The following ZZEF1 variants were observed in gnomAD, a reference collection of about 807,000 sequenced individuals.
ZZEF1 encodes zinc finger ZZ-type and EF-hand domain containing 1, also known as zinc finger ZZ-type and EF-hand domain-containing protein 1.
ZZEF1 carries 157 observed loss-of-function variants against 342.8 expected under a neutral mutation model. That is an observed-to-expected ratio of 0.46 (90% CI 0.40 to 0.52). ZZEF1 has a LOEUF of 0.52. Ranked by LOEUF, ZZEF1 falls within the 20% of genes least tolerant of loss-of-function variation. The pLI, the probability that ZZEF1 is intolerant of heterozygous loss-of-function variation, is 0.00. For missense variants in ZZEF1, 3,480 were observed against 3,725.6 expected (o/e 0.93, Z 1.72); for synonymous variants, 1,505 against 1,429.1 (o/e 1.05, Z -1.20).
intron 37 of ZZEF1, among the ~76,000 whole-genome samples, chr17:4,044,898 A>G (rs894549822): frequency 4.6e-5 from 7 of 152,170 alleles, no homozygotes; most frequent in Admixed American, 4.6e-4. Flanking sequence ...TCATGTCTGT[A>G]ATTCCAGCAC....
chr17:4,019,583 G>A, intron 46 of ZZEF1, 86 bp downstream of exon 46: 1 of 1,241,552 alleles, frequency 8.1e-7, no homozygotes, highest in Non-Finnish European at 1.2e-6. Flanking sequence ...GATCGATCCA[G>A]AAGCTGCTGC....
At chr17:4,136,275 T>C (rs8070037) in intron 1 of ZZEF1, among the ~76,000 whole-genome samples, 22,397 of 143,762 alleles carry the variant, frequency 0.16, 1,882 homozygotes, top group African/African-American at 0.23. Flanking sequence ...AACTGGGAGG[T>C]GGAGGTTGCA....
chr17:4,139,127 T>C (rs1367900841), intron 1 of ZZEF1, among the ~76,000 whole-genome samples: 2 of 128,206 alleles, frequency 1.6e-5, no homozygotes, highest in East Asian at 2.1e-4. Flanking sequence ...TAATAAACCA[T>C]GCGCACCTTC....
rs2058144250 is a variant in ZZEF1, at chr17:4,102,531, C to T, written c.1574-116G>A. 20 of 838,108 alleles carry T rather than the reference C, an allele frequency of 2.4e-5. No individual in the cohort carries two copies. The East Asian group carries it at 5.1e-4, about 21-fold the overall frequency. The allele number at this position is 838,108 out of a possible 1,614,324, so 51.9% of individuals were successfully genotyped here. ...TACCCAGACTGCTAACTAAAAATCT[C>T]CCTGTTTAAAAGCTGAAATAGAGCA... On this transcript the variant is annotated intron_variant, in intron 8 of 54. Coordinates refer to ENST00000381638, the MANE Select transcript of ZZEF1 (RefSeq NM_015113.4).
At chr17:4,022,686 C>T in intron 44 of ZZEF1, 23 bp downstream of exon 44, 2 of 1,613,328 alleles carry the variant, frequency 1.2e-6, no homozygotes, top group Non-Finnish European at 1.7e-6. Context: ...GAAAGAGGAG[C>T]AGGAGTCCCT....
At position 4,088,783 on chromosome 17, in the gene ZZEF1, C is replaced by T. The variant is rs747706611; in HGVS notation, c.2136G>A (p.Gln712=). Residue 712 remains glutamine, a synonymous_variant, in exon 13 of 55, where the codon CAG becomes CAA. Transcript: ENST00000381638. Reference sequence around the variant, plus strand: ...TTCTGCAGTGTGCACAGGTGACGCTCTGTTCTGCTTCTGCTCTTGCAGGCC... The same window carrying T: ...TTCTGCAGTGTGCACAGGTGACGCTTTGTTCTGCTTCTGCTCTTGCAGGCC... The part of the protein sequence containing the change: ...YLRPARAEAE[Q]SVTCAHCRKD... The T allele has an allele frequency of 2.5e-6, 4 of 1,614,238 alleles. No individual in the cohort carries two copies. The South Asian group carries it at 3.3e-5, about 13-fold the overall frequency.
rs752544632 is a variant in ZZEF1 at position 4,022,662 on chromosome 17, C to T, written c.7212+47G>A. 5.6e-6 allele frequency: 9 copies of T among 1,611,552 alleles called. No individual in the cohort carries two copies. In the South Asian group the frequency reaches 7.7e-5, roughly 14 times the overall value. ...GTGATGCTTCTAACTCCTAGGCCAG[C>T]ACATCTGCACCAGGAAAGAGGAGCA... On this transcript the variant is annotated intron_variant, in intron 44 of 54. Transcript: ENST00000381638.
intron 11 of ZZEF1, among the ~76,000 whole-genome samples, chr17:4,091,627 A>G (rs2057943684): frequency 6.6e-6 from 1 of 152,118 alleles, no homozygotes; most frequent in South Asian, 2.1e-4. Context: ...CATACAAAAA[A>G]TTAGCCAGGC....
intron 9 of ZZEF1, 48 bp from the exon 10 acceptor site, chr17:4,096,748 C>G (rs752539206): frequency 6.9e-7 from 1 of 1,448,434 alleles, no homozygotes; most frequent in Non-Finnish European, 9.7e-7. Flanking sequence ...ATTTTTATAG[C>G]CCTAAGAACT....
intron 33 of ZZEF1, among the ~76,000 whole-genome samples, chr17:4,055,106 GCAAA>G (rs1478359208): frequency 6.6e-6 from 1 of 152,162 alleles, no homozygotes; most frequent in African/African-American, 2.4e-5. Context: ...TGTCTAATGA[GCAAA>G]CAAATTGCTT....
At chr17:4,026,543 G>A (rs923138930) in intron 42 of ZZEF1, among the ~76,000 whole-genome samples, 7 of 146,736 alleles carry the variant, frequency 4.8e-5, no homozygotes, top group African/African-American at 1.0e-4. Flanking sequence ...TTTTTGAGAC[G>A]GAGTTTTTGC....
intron 52 of ZZEF1, among the ~76,000 whole-genome samples, chr17:4,012,366 T>C (rs546787375): frequency 1.3e-5 from 2 of 152,326 alleles, no homozygotes; most frequent in African/African-American, 4.8e-5. Flanking sequence ...TCCCCTGACT[T>C]TGAGAGTCCT....
In ZZEF1 at chr17:4,074,156, C is replaced by G; in HGVS notation, c.3679G>C (p.Val1227Leu). The change falls in exon 24 of 55, where the codon GTG (valine) becomes CTG (leucine). Residue 1227 changes from valine (V) to leucine (L), a missense_variant. Physicochemically the swap from Val to Leu is conservative, Grantham distance 32. Around this residue, in one of 5 missense-constraint regions of ZZEF1, gnomAD observed 1,528 missense variants for 1,624.1 expected, o/e 0.94. Transcript: ENST00000381638. ...LASQCMALKSVRQLGSNMVVP... is the reference protein window; with the variant it reads ...LASQCMALKSLRQLGSNMVVP... ...CACAGGGATGTGCACTTACGGCGCA[C>G]AGACTTGAGCGCCATGCACTGGGAA... is the stretch of plus-strand genomic sequence containing the variant. The G allele has an allele frequency of 6.2e-7, 1 of 1,613,820 alleles. No homozygotes were observed. Among genetic ancestry groups the G allele is most frequent in the Non-Finnish European group, 8.5e-7 (1 of 1,179,884 alleles).
Position 4,109,654 on chromosome 17 carries a change from G to C in ZZEF1, c.1276C>G (p.Gln426Glu). The part of the protein sequence containing the change: ...AFVQTVLHNT[Q>E]KALRHMPPLS... The stretch of plus-strand genomic sequence containing the variant: ...TGGAACATAGAGAGAATGACTTACT[G>C]AGTATTGTGCAGCACTGTCTGGACA... The change falls in exon 6 of 55, where the codon CAG becomes GAG. Residue 426 changes from glutamine (Q) to glutamate (E), a missense_variant and splice_region_variant. Gln to Glu is a conservative substitution (Grantham distance 29). Transcript: ENST00000381638. 1.2e-6 allele frequency: 2 copies of C among 1,614,036 alleles called. No homozygotes were observed. Among genetic ancestry groups the C allele is most frequent in the Non-Finnish European group, 1.7e-6 (2 of 1,179,938 alleles).
intron 46 of ZZEF1, among the ~76,000 whole-genome samples, chr17:4,018,612 G>A (rs528493163): frequency 6.6e-6 from 1 of 152,164 alleles, no homozygotes; most frequent in Admixed American, 6.5e-5. Flanking sequence ...GTTACAGCCT[G>A]GTGTTTGCCT....
chr17:4,009,029 C>G, intron 53 of ZZEF1, 75 bp from the exon 54 acceptor site: 1 of 1,486,366 alleles, frequency 6.7e-7, no homozygotes, highest in Non-Finnish European at 9.1e-7. Flanking sequence ...ACCTGGGACA[C>G]CTGCTTGCGA....
intron 2 of ZZEF1, among the ~76,000 whole-genome samples, chr17:4,118,762 A>G (rs144333298): frequency 3.3e-4 from 51 of 152,344 alleles, no homozygotes; most frequent in Admixed American, 2.3e-3. Context: ...TAGAAAGAAT[A>G]TCTTCACAGC....
At position 4,016,534 on chromosome 17, in the gene ZZEF1, C is replaced by CA; in HGVS notation, c.8002-69dup. On this transcript the variant is annotated intron_variant, in intron 48 of 54. Transcript: ENST00000381638. This position sits in a 1 kb window ranked among gnomAD's most constrained non-coding sequence, Gnocchi z 4.4. ...ATCAGGAAGAAGGGACAGTTTACTT[C>CA]AACCCAAGCTCCACCCAAAGGTGCT... The CA allele has an allele frequency of 6.5e-7, 1 of 1,534,818 alleles. No individual in the cohort carries two copies. The highest frequency in any genetic ancestry group is 1.2e-5 in the South Asian group (1 of 80,156).
intron 16 of ZZEF1, among the ~76,000 whole-genome samples, chr17:4,083,933 T>C (rs897420804): frequency 6.6e-6 from 1 of 152,234 alleles, no homozygotes; most frequent in South Asian, 2.1e-4. Flanking sequence ...TTCTTTTAAA[T>C]AATTCTATTA....
Sources: gnomAD v4.1 joint callset for allele counts (sites outside exome capture counted in the v4.1 genomes callset) on GRCh38, gnomAD v4.1.1 for gene constraint, gnomAD v4.1.1 regional missense constraint, Gnocchi (gnomAD v3.1) non-coding constraint, MANE v1.5 for transcripts, NCBI Gene and HGNC (gene_info 2026-07-23, HGNC 2026-07-21) for gene names.